The following COL7A1 variants were observed in gnomAD, a reference collection of about 807,000 sequenced individuals.
COL7A1 encodes the protein collagen alpha-1(VII) chain.
COL7A1 carries 296 observed loss-of-function variants against 456.2 expected under a neutral mutation model. The observed-to-expected ratio is 0.65, with a 90% CI of 0.59 to 0.71. COL7A1 has a LOEUF of 0.71. COL7A1 is among the 30% of genes least tolerant of loss of function. COL7A1 has a pLI of 0.00. For missense variants in COL7A1, 3,441 were observed against 4,017.2 expected (o/e 0.86, Z 3.88); for synonymous variants, 1,464 against 1,525.9 (o/e 0.96, Z 0.95).
At position 48,584,030 on chromosome 3, in the gene COL7A1, C is replaced by G; in HGVS notation, c.4224+5G>C. On this transcript the variant is annotated splice_donor_5th_base_variant and intron_variant, in intron 38 of 118. Coordinates refer to ENST00000681320, the MANE Select transcript of COL7A1 (RefSeq NM_000094.4). ...CACCCCTAGCACAACCTGTCCCTCA[C>G]TTACCCGCTCCCCACGATCGCCTTT... 6.2e-7 allele frequency: 1 copy of G among 1,614,126 alleles called. No homozygotes were observed. Among genetic ancestry groups the G allele is most frequent in the Non-Finnish European group, 8.5e-7 (1 of 1,179,998 alleles).
In COL7A1 at chr3:48,582,612, A is replaced by T. The variant is rs142686837; in HGVS notation, c.4560T>A (p.Pro1520=). 9.2e-5 allele frequency: 148 copies of T among 1,613,548 alleles called. 1 individual carries two copies. The highest frequency in any genetic ancestry group is 1.1e-4 in the South Asian group (10 of 90,990). ...GVAGRPGAKG[P]EGPPGPTGRQ... ...CCCACCACAGTCACAGACTCACTTC[A>T]GGACCCTTGGCTCCAGGACGTCCAG... The change falls in exon 45 of 119, where the codon CCT becomes CCA. Residue 1520 remains proline (P), a synonymous_variant. Coordinates refer to ENST00000681320, the MANE Select transcript of COL7A1 (RefSeq NM_000094.4).
At position 48,567,184 on chromosome 3, in the gene COL7A1, G is replaced by A. The variant is rs2043645754; in HGVS notation, c.8053C>T (p.Arg2685Ter). The change falls in exon 110 of 119, where the codon CGA (arginine) becomes TGA (stop). Residue 2685 changes from arginine (R) to a stop codon, truncating the protein, a stop_gained. Transcript: ENST00000681320. LOFTEE classifies it high-confidence loss of function. This position sits in a 1 kb window ranked among gnomAD's most constrained non-coding sequence, Gnocchi z 4.3. The part of the protein sequence containing the change: ...KEGLIGPKGD[R>*]GFDGQPGPKG... Reference sequence around the variant, plus strand: ...GGGCCTGGCTGCCCGTCAAAGCCTCGGTCACCCTGGGAACAGAAGAAGCAT... The same window carrying A: ...GGGCCTGGCTGCCCGTCAAAGCCTCAGTCACCCTGGGAACAGAAGAAGCAT... 3.1e-6 allele frequency: 5 copies of A among 1,613,670 alleles called. No individual in the cohort carries two copies. The highest frequency in any genetic ancestry group is 1.3e-5 in the African/African-American group (1 of 74,820).
Position 48,590,551 on chromosome 3 carries a change from C to T in COL7A1, c.1814G>A (p.Arg605Gln), listed in dbSNP as rs200890422. 51 of 1,614,032 alleles carry T rather than the reference C, an allele frequency of 3.2e-5. No homozygotes were observed. The highest frequency in any genetic ancestry group is 4.0e-5 in the Non-Finnish European group (47 of 1,180,038). ...PETPLAVPGL[R>Q]VVVSDATRVR... ...TCGCGTTGCATCTGACACCACAACC[C>T]GCAGCCCTGGAACAGCAAGTGGAGT... Residue 605 changes from arginine to glutamine, a missense_variant, in exon 15 of 119, where the codon CGG becomes CAG. Physicochemically the swap from Arg to Gln is conservative, Grantham distance 43. This residue lies in a region of COL7A1 where 913 missense variants were observed against 1,088.2 expected (regional missense o/e 0.84). Transcript: ENST00000681320. This position sits in a 1 kb window ranked among gnomAD's most constrained non-coding sequence, Gnocchi z 4.6.
At position 48,581,539 on chromosome 3, in the gene COL7A1, C is replaced by T. The variant is rs112328398; in HGVS notation, c.4782+34G>A. The stretch of plus-strand genomic sequence containing the variant: ...GTCAGGGTCCCACCACCTCATCTCC[C>T]TCTGTCACACTCCCCATTCCCACAT... On this transcript the variant is annotated intron_variant, in intron 50 of 118. Coordinates refer to ENST00000681320, the MANE Select transcript of COL7A1 (RefSeq NM_000094.4). The surrounding 1 kb of genome is among the most constrained non-coding windows in gnomAD (Gnocchi z 5.8). 2.5e-5 allele frequency: 41 copies of T among 1,614,134 alleles called. No homozygotes were observed. In the African/African-American group the frequency reaches 2.7e-4, roughly 10 times the overall value.
At position 48,571,953 on chromosome 3, in the gene COL7A1, A is replaced by G; in HGVS notation, c.7068+48T>C. 2 of 1,605,264 alleles carry G rather than the reference A, an allele frequency of 1.2e-6. No homozygotes were observed. The highest frequency in any genetic ancestry group is 1.7e-6 in the Non-Finnish European group (2 of 1,176,168). On this transcript the variant is annotated intron_variant, in intron 92 of 118. Coordinates refer to ENST00000681320, the MANE Select transcript of COL7A1 (RefSeq NM_000094.4). The surrounding 1 kb of genome is among the most constrained non-coding windows in gnomAD (Gnocchi z 4.6). Reference sequence around the variant, plus strand: ...CCAAGAGTGGCCCCTTATGCCCGCCATCACACTCCTCAGGCCAGGCTCGCC... The same window carrying G: ...CCAAGAGTGGCCCCTTATGCCCGCCGTCACACTCCTCAGGCCAGGCTCGCC...
rs1281151322 is a variant in COL7A1 at position 48,567,432 on chromosome 3, C to A, written c.8046+142G>T. On this transcript the variant is annotated intron_variant, in intron 109 of 118. Coordinates refer to ENST00000681320, the MANE Select transcript of COL7A1 (RefSeq NM_000094.4). This position sits in a 1 kb window ranked among gnomAD's most constrained non-coding sequence, Gnocchi z 4.3. Reference sequence around the variant, plus strand: ...CCACTGTGACCCCAACCCACCTTGACACCTCGAGACCAGCCCCACTTCAGC... The same window carrying A: ...CCACTGTGACCCCAACCCACCTTGAAACCTCGAGACCAGCCCCACTTCAGC... 18 of 1,233,788 alleles carry A rather than the reference C, an allele frequency of 1.5e-5. No homozygotes were observed. In the South Asian group the frequency reaches 2.1e-4, roughly 14 times the overall value. 76.4% of individuals were successfully genotyped at this position (1,233,788 alleles called of 1,614,324 possible). A position where few individuals can be genotyped will look rare whatever the true frequency, so the allele number is the denominator to read the frequency against.
Position 48,567,629 on chromosome 3 carries a change from G to A in COL7A1, c.7991C>T (p.Pro2664Leu). Residue 2664 changes from proline to leucine, a missense_variant, in exon 109 of 119, where the codon CCT (proline) becomes CTT (leucine). Physicochemically the swap from Pro to Leu is moderately conservative, Grantham distance 98. Transcript: ENST00000681320. This position sits in a 1 kb window ranked among gnomAD's most constrained non-coding sequence, Gnocchi z 4.3. Reference sequence around the variant, plus strand: ...GGCCCCCGACTGGCCCGGCACACCAGGCTCCCCCTGGAGAAAAAAAGACAT... The same window carrying A: ...GGCCCCCGACTGGCCCGGCACACCAAGCTCCCCCTGGAGAAAAAAAGACAT... ...LAGHKGEMGE[P>L]GVPGQSGAPG... 9.9e-6 allele frequency: 16 copies of A among 1,613,252 alleles called. No homozygotes were observed. The highest frequency in any genetic ancestry group is 1.4e-5 in the Non-Finnish European group (16 of 1,179,896).
In COL7A1 at chr3:48,564,590, C is replaced by A; in HGVS notation, c.8819-168G>T. 2 of 1,040,014 alleles carry A rather than the reference C, an allele frequency of 1.9e-6. No individual in the cohort carries two copies. Among genetic ancestry groups the A allele is most frequent in the South Asian group, 1.4e-5 (1 of 71,192 alleles). 64.4% of individuals were successfully genotyped at this position (1,040,014 alleles called of 1,614,324 possible). A position where few individuals can be genotyped will look rare whatever the true frequency, so the allele number is the denominator to read the frequency against. On this transcript the variant is annotated intron_variant, in intron 118 of 118. Transcript: ENST00000681320. This position sits in a 1 kb window ranked among gnomAD's most constrained non-coding sequence, Gnocchi z 6.0. ...TTAAAGGAGGGAACATGGAAGGGGACCCTACTGGGGGCTCCACGGCTGGGG... is the reference window on the plus strand; with the variant it reads ...TTAAAGGAGGGAACATGGAAGGGGAACCTACTGGGGGCTCCACGGCTGGGG...
rs754120044 is a variant in COL7A1, at chr3:48,588,934, T to C, written c.2376A>G (p.Leu792=). 38 of 1,613,576 alleles carry C rather than the reference T, an allele frequency of 2.4e-5. No individual in the cohort carries two copies. In the Middle Eastern group the frequency reaches 9.9e-4, roughly 42 times the overall value. The part of the protein sequence containing the change: ...LQILNASSDV[L]RITWVGVTGA... Reference sequence around the variant, plus strand: ...CAGTGACCCCTACCCAGGTGATCCGTAGAACGTCGCTGGAAGCATTGAGGA... The same window carrying C: ...CAGTGACCCCTACCCAGGTGATCCGCAGAACGTCGCTGGAAGCATTGAGGA... Residue 792 remains leucine (L), a synonymous_variant, in exon 19 of 119, where the codon CTA becomes CTG. Transcript: ENST00000681320. This position sits in a 1 kb window ranked among gnomAD's most constrained non-coding sequence, Gnocchi z 4.6.
At position 48,592,187 on chromosome 3, in the gene COL7A1, C is replaced by T. The variant is rs1262257251; in HGVS notation, c.1155G>A (p.Leu385=). ...TCACCTCATAGTCCGTGCCAGGCTC[C>T]AAGTCACGCAGCAACACTGAACCCT... ...PGQGSVLLRD[L]EPGTDYEVTV... The change falls in exon 10 of 119, where the codon TTG becomes TTA. Residue 385 remains leucine, a synonymous_variant. Coordinates refer to ENST00000681320, the MANE Select transcript of COL7A1 (RefSeq NM_000094.4). This position sits in a 1 kb window ranked among gnomAD's most constrained non-coding sequence, Gnocchi z 7.6. 5 of 1,614,130 alleles carry T rather than the reference C, an allele frequency of 3.1e-6. 1 individual carries two copies. The South Asian group carries it at 5.5e-5, about 18-fold the overall frequency.
Position 48,568,025 on chromosome 3 carries a change from G to T in COL7A1, c.7875+65C>A, listed in dbSNP as rs879292496. 15 of 1,606,468 alleles carry T rather than the reference G, an allele frequency of 9.3e-6. No individual in the cohort carries two copies. Among genetic ancestry groups the T allele is most frequent in the Non-Finnish European group, 1.3e-5 (15 of 1,173,104 alleles). On this transcript the variant is annotated intron_variant, in intron 106 of 118. Coordinates refer to ENST00000681320, the MANE Select transcript of COL7A1 (RefSeq NM_000094.4). This position sits in a 1 kb window ranked among gnomAD's most constrained non-coding sequence, Gnocchi z 5.2. Reference sequence around the variant, plus strand: ...CCCAGTGCCCTAATATCTGACCCCAGGTCCCTCGCCCTTCAACATTAGGCC... The same window carrying T: ...CCCAGTGCCCTAATATCTGACCCCATGTCCCTCGCCCTTCAACATTAGGCC...
rs201150671 is a variant in COL7A1 at position 48,575,420 on chromosome 3, G to A, written c.6099C>T (p.Ala2033=). ...GAATACCAGGCTTTCCAGGCTCCCC[G>A]GCAAGGCCGGAAGGCCCGGGGGGGC... is the stretch of plus-strand genomic sequence containing the variant. ...ERGPPGPSGL[A]GEPGKPGIPG... is the part of the protein sequence containing the mutation. The change falls in exon 74 of 119, where the codon GCC becomes GCT. Residue 2033 remains alanine (A), a synonymous_variant. Coordinates refer to ENST00000681320, the MANE Select transcript of COL7A1 (RefSeq NM_000094.4). The surrounding 1 kb of genome is among the most constrained non-coding windows in gnomAD (Gnocchi z 6.3). The A allele has an allele frequency of 3.9e-5, 62 of 1,609,602 alleles. No individual in the cohort carries two copies. The highest frequency in any genetic ancestry group is 1.3e-4 in the Admixed American group (8 of 59,756).
Position 48,590,462 on chromosome 3 carries a change from T to C in COL7A1, c.1903A>G (p.Ser635Gly). 1 of 1,614,158 alleles carries C rather than the reference T, an allele frequency of 6.2e-7. No individual in the cohort carries two copies. Among genetic ancestry groups the C allele is most frequent in the East Asian group, 2.2e-5 (1 of 44,870 alleles). Reference protein sequence around the residue: ...SGFRISWSTGSGPESSQTLPP... With the variant: ...SGFRISWSTGGGPESSQTLPP... ...CCCCCACACACCCCACACTGACCAC[T>C]GCCTGTGCTCCAGCTAATCCGAAAT... Residue 635 changes from serine (S) to glycine (G), a missense_variant, in exon 15 of 119, where the codon AGT becomes GGT. By Grantham distance (56) the Ser-to-Gly change is moderately conservative. Around this residue, in one of 3 missense-constraint regions of COL7A1, gnomAD observed 913 missense variants for 1,088.2 expected, o/e 0.84. Transcript: ENST00000681320. The surrounding 1 kb of genome is among the most constrained non-coding windows in gnomAD (Gnocchi z 4.6).
chr3:48,588,708 A>G lies in COL7A1; in HGVS notation c.2521T>C (p.Ser841Pro), dbSNP rs1184952780. The change falls in exon 20 of 119, where the codon TCA (serine) becomes CCA (proline). Residue 841 changes from serine (S) to proline (P), a missense_variant. Around this residue, in one of 3 missense-constraint regions of COL7A1, gnomAD observed 444 missense variants for 427.6 expected, o/e 1.04. Coordinates refer to ENST00000681320, the MANE Select transcript of COL7A1 (RefSeq NM_000094.4). This position sits in a 1 kb window ranked among gnomAD's most constrained non-coding sequence, Gnocchi z 4.6. Reference sequence around the variant, plus strand: ...CCGACAAGTGCAGTCACTCGCACTGAGTAGCTGACTCCACCTTCGAGACCC... The same window carrying G: ...CCGACAAGTGCAGTCACTCGCACTGGGTAGCTGACTCCACCTTCGAGACCC... ...IRGLEGGVSY[S>P]VRVTALVGDR... The G allele has an allele frequency of 1.2e-6, 2 of 1,613,900 alleles. No homozygotes were observed. The highest frequency in any genetic ancestry group is 1.7e-6 in the Non-Finnish European group (2 of 1,180,040).
Position 48,594,595 on chromosome 3 carries a change from C to T in COL7A1, c.86-47G>A. 6.5e-7 allele frequency: 1 copy of T among 1,534,872 alleles called. No individual in the cohort carries two copies. Among genetic ancestry groups the T allele is most frequent in the African/African-American group, 1.4e-5 (1 of 73,030 alleles). On this transcript the variant is annotated intron_variant, in intron 2 of 118. Coordinates refer to ENST00000681320, the MANE Select transcript of COL7A1 (RefSeq NM_000094.4). This position sits in a 1 kb window ranked among gnomAD's most constrained non-coding sequence, Gnocchi z 5.5. ...AGGGCCTCTTCTGGGAGGCCAACCA[C>T]CCGCCTACCCGCACGGTGGCCTCAC...
intron 37 of COL7A1, 103 bp downstream of exon 37, chr3:48,584,195 G>A: frequency 1.3e-6 from 2 of 1,550,644 alleles, no homozygotes; most frequent in Non-Finnish European, 8.8e-7. Context: ...TGAGGATGGG[G>A]GTAATCAAAG....
In COL7A1 at chr3:48,583,080, G is replaced by A. The variant is rs1368092935; in HGVS notation, c.4483-32C>T. 1 of 1,613,784 alleles carries A rather than the reference G, an allele frequency of 6.2e-7. No homozygotes were observed. The highest frequency in any genetic ancestry group is 1.1e-5 in the South Asian group (1 of 91,080). On this transcript the variant is annotated intron_variant, in intron 43 of 118. Transcript: ENST00000681320. This position sits in a 1 kb window ranked among gnomAD's most constrained non-coding sequence, Gnocchi z 5.1. ...GAAAAGAAGAGGTCAGAGCTGAGTT[G>A]GGCCCAGATCCTCCAGGGCCCTTGG...
At position 48,572,338 on chromosome 3, in the gene COL7A1, C is replaced by G. The variant is rs746453177; in HGVS notation, c.6978+42G>C. On this transcript the variant is annotated intron_variant, in intron 90 of 118. Coordinates refer to ENST00000681320, the MANE Select transcript of COL7A1 (RefSeq NM_000094.4). This position sits in a 1 kb window ranked among gnomAD's most constrained non-coding sequence, Gnocchi z 4.6. ...GTCAGAAGTTAGGCCACTGGAGAGA[C>G]AGGACCCCCAGAACATCTGCTGTCA... 2 of 1,614,022 alleles carry G rather than the reference C, an allele frequency of 1.2e-6. No individual in the cohort carries two copies. Among genetic ancestry groups the G allele is most frequent in the East Asian group, 2.2e-5 (1 of 44,894 alleles).
chr3:48,587,883 C>T lies in COL7A1; in HGVS notation c.2767G>A (p.Gly923Arg), dbSNP rs777207329. Residue 923 changes from glycine (G) to arginine (R), a missense_variant, in exon 22 of 119, where the codon GGG becomes AGG. Around this residue, in one of 3 missense-constraint regions of COL7A1, gnomAD observed 444 missense variants for 427.6 expected, o/e 1.04. Coordinates refer to ENST00000681320, the MANE Select transcript of COL7A1 (RefSeq NM_000094.4). This position sits in a 1 kb window ranked among gnomAD's most constrained non-coding sequence, Gnocchi z 6.1. ...GPELSSYHLD[G>R]LEPATQYRVR... Reference sequence around the variant, plus strand: ...CGGTACTGTGTCGCTGGCTCCAGCCCGTCCAGGTGATAGCTGCTGAGCTCG... The same window carrying T: ...CGGTACTGTGTCGCTGGCTCCAGCCTGTCCAGGTGATAGCTGCTGAGCTCG... 2.5e-6 allele frequency: 4 copies of T among 1,611,502 alleles called. No homozygotes were observed. Among genetic ancestry groups the T allele is most frequent in the East Asian group, 2.2e-5 (1 of 44,758 alleles).
Sources: gnomAD v4.1 joint callset for allele counts on GRCh38, gnomAD v4.1.1 for gene constraint, gnomAD v4.1.1 regional missense constraint, Gnocchi (gnomAD v3.1) non-coding constraint, MANE v1.5 for transcripts, NCBI Gene and HGNC (gene_info 2026-07-23, HGNC 2026-07-21) for gene names.